RRAGD: variants seen among roughly 807,000 people sequenced by gnomAD.
RRAGD encodes Ras related GTP binding D, also known as ras-related GTP-binding protein D.
RRAGD carries 12 observed loss-of-function variants against 35.5 expected under a neutral mutation model. The ratio of observed to expected loss-of-function variants is 0.34; its 90% CI spans 0.22 to 0.55. The LOEUF (loss-of-function observed/expected upper bound fraction) is 0.55, where lower values mean the gene tolerates loss of function less well. RRAGD is among the 20% of genes least tolerant of loss of function. The probability of loss-of-function intolerance (pLI) is 0.91; values close to 1 mark genes in which losing one functional copy is unlikely to be tolerated. For missense variants in RRAGD, 324 were observed against 490.1 expected, an observed-to-expected ratio of 0.66 and a Z score of 3.20; for synonymous variants, 155 against 178.9, an observed-to-expected ratio of 0.87 and a Z score of 1.07.
At chr6:89,406,514 G>A (rs1280035424) in intron 1 of RRAGD, among the ~76,000 whole-genome samples, 2 of 152,012 alleles carry the variant, frequency 1.3e-5, no homozygotes, top group Non-Finnish European at 1.5e-5. Context: ...GCAGTTAGAC[G>A]TCGAGAGGAC....
At chr6:89,368,954 TTAGGATAAGGTG>T (rs1768811504) in intron 6 of RRAGD, among the ~76,000 whole-genome samples, 3 of 152,244 alleles carry the variant, frequency 2.0e-5, no homozygotes, top group Admixed American at 2.0e-4. Flanking sequence ...TTTACACCAA[TTAGGATAAGGTG>T]GTCAGTTCTA....
chr6:89,407,198 G>A (rs537886482), intron 1 of RRAGD, among the ~76,000 whole-genome samples: 2 of 152,308 alleles, frequency 1.3e-5, no homozygotes, highest in South Asian at 4.1e-4. Flanking sequence ...TAGCCCAGGA[G>A]TGAAGAAACT....
At chr6:89,385,705 G>A (rs1769127318) in intron 2 of RRAGD, among the ~76,000 whole-genome samples, 1 of 152,112 alleles carries the variant, frequency 6.6e-6, no homozygotes, top group Admixed American at 6.5e-5. Flanking sequence ...TCACAGATCA[G>A]GCATTGGATT....
In RRAGD at chr6:89,387,280, G is replaced by C; in HGVS notation, c.444+15C>G. The C allele has an allele frequency of 6.2e-7, 1 of 1,607,948 alleles. No homozygotes were observed. The highest frequency in any genetic ancestry group is 1.7e-5 in the Admixed American group (1 of 59,796). On this transcript the variant is annotated intron_variant, in intron 2 of 6. Coordinates refer to ENST00000369415, the MANE Select transcript of RRAGD (RefSeq NM_021244.5). ...ACCGGCCAGGCCATCATACCCCTGA[G>C]ACTCTGAGCTTTACCTGTGAGTCAA...
intron 1 of RRAGD, among the ~76,000 whole-genome samples, chr6:89,398,076 GGT>G (rs1769374514): frequency 6.6e-6 from 1 of 152,138 alleles, no homozygotes; most frequent in Non-Finnish European, 1.5e-5. Context: ...GAACCCAGGA[GGT>G]GGAAGTTAGT....
At position 89,380,353 on chromosome 6, in the gene RRAGD, T is replaced by C. The variant is rs1263667913; in HGVS notation, c.459A>G (p.Glu153=). The change falls in exon 3 of 7, where the codon GAA becomes GAG. Residue 153 remains glutamate, a synonymous_variant. Coordinates refer to ENST00000369415, the MANE Select transcript of RRAGD (RefSeq NM_021244.5). Reference sequence around the variant, plus strand: ...CCGTGAGGTGGAGCCTGGCCAGGGCTTCCATGTAATCATCCTAGGACCAAA... The same window carrying C: ...CCGTGAGGTGGAGCCTGGCCAGGGCCTCCATGTAATCATCCTAGGACCAAA... ...FVIDSQDDYM[E]ALARLHLTVT... is the part of the protein sequence containing the mutation. 6.2e-7 allele frequency: 1 copy of C among 1,614,116 alleles called. No individual in the cohort carries two copies. The highest frequency in any genetic ancestry group is 1.7e-5 in the Admixed American group (1 of 60,020).
At chr6:89,399,804 A>G (rs540910835) in intron 1 of RRAGD, among the ~76,000 whole-genome samples, 21 of 130,370 alleles carry the variant, frequency 1.6e-4, no homozygotes, top group Non-Finnish European at 3.0e-4. Flanking sequence ...AGGTCTCCCT[A>G]TGTTGCCCAG....
At position 89,412,018 on chromosome 6, in the gene RRAGD, G is replaced by T. The variant is rs746146093; in HGVS notation, c.-25C>A. 1,107 of 1,520,058 alleles carry T rather than the reference G, an allele frequency of 7.3e-4. No individual in the cohort carries two copies. The highest frequency in any genetic ancestry group is 9.3e-4 in the Non-Finnish European group (1,063 of 1,138,886). 94.2% of individuals were successfully genotyped at this position (1,520,058 alleles called of 1,614,324 possible). On this transcript the variant is annotated 5_prime_UTR_variant, in exon 1 of 7. Coordinates refer to ENST00000369415, the MANE Select transcript of RRAGD (RefSeq NM_021244.5). The surrounding 1 kb of genome is among the most constrained non-coding windows in gnomAD (Gnocchi z 4.2). The stretch of plus-strand genomic sequence containing the variant: ...TCGTGCCCACCGGCCGGCCGGCCCG[G>T]GGACGGCGGGGGTCCCGGGGTGGGG...
At chr6:89,396,261 T>A (rs1221577302) in intron 1 of RRAGD, among the ~76,000 whole-genome samples, 4 of 151,524 alleles carry the variant, frequency 2.6e-5, no homozygotes, top group Non-Finnish European at 5.9e-5. Flanking sequence ...TCAAAAAAAA[T>A]AATAAAGTAA....
At chr6:89,369,839 G>C (rs1432152225) in intron 6 of RRAGD, among the ~76,000 whole-genome samples, 2 of 152,188 alleles carry the variant, frequency 1.3e-5, no homozygotes, top group Non-Finnish European at 2.9e-5. Flanking sequence ...TCCATAAACA[G>C]TGTTTGCTAT....
At chr6:89,372,668 G>A in intron 5 of RRAGD, 83 bp from the exon 6 acceptor site, 1 of 1,368,800 alleles carries the variant, frequency 7.3e-7, no homozygotes, top group Non-Finnish European at 9.8e-7. Context: ...CCGGCTTTAA[G>A]CCACAAAAAG....
chr6:89,373,430 G>C (rs1323558669), intron 5 of RRAGD, among the ~76,000 whole-genome samples: 3 of 152,022 alleles, frequency 2.0e-5, no homozygotes, highest in Non-Finnish European at 4.4e-5. Context: ...TGGCCAATAT[G>C]GGTGAAACCC....
Position 89,364,625 on chromosome 6 carries a change from A to C in RRAGD, c.*3431T>G, listed in dbSNP as rs1241029806. 2 of 152,262 alleles carry C rather than the reference A, an allele frequency of 1.3e-5. No individual in the cohort carries two copies. The highest frequency in any genetic ancestry group is 2.4e-5 in the African/African-American group (1 of 41,474). 9.4% of individuals were successfully genotyped at this position (152,262 alleles called of 1,614,324 possible). A position where few individuals can be genotyped will look rare whatever the true frequency, so the allele number is the denominator to read the frequency against. ...GGAGATGTAAGAGAGTTTAAAAATA[A>C]AAGCATAAATTAAATTTAAGTAGTG... On this transcript the variant is annotated 3_prime_UTR_variant, in exon 7 of 7. Transcript: ENST00000369415.
chr6:89,387,986 T>C (rs1442946390), intron 1 of RRAGD, among the ~76,000 whole-genome samples: 1 of 152,130 alleles, frequency 6.6e-6, no homozygotes, highest in Admixed American at 6.5e-5. Flanking sequence ...AGGAGCCATA[T>C]TGTTCTCTGA....
intron 1 of RRAGD, among the ~76,000 whole-genome samples, chr6:89,409,615 C>T (rs1168545099): frequency 6.6e-6 from 1 of 152,214 alleles, no homozygotes; most frequent in African/African-American, 2.4e-5. Flanking sequence ...AACTCCCAAC[C>T]TCCTCCTCCC....
At chr6:89,398,110 G>A (rs927758384) in intron 1 of RRAGD, among the ~76,000 whole-genome samples, 14 of 151,412 alleles carry the variant, frequency 9.2e-5, no homozygotes, top group African/African-American at 2.4e-4. Context: ...GCGTCACTGC[G>A]CTCCAGCCTG....
intron 4 of RRAGD, 24 bp from the exon 5 acceptor site, chr6:89,377,837 C>A (rs1205629411): frequency 1.9e-6 from 3 of 1,578,174 alleles, no homozygotes; most frequent in Non-Finnish European, 2.6e-6. Flanking sequence ...AAAAAAGTTG[C>A]CTTAAAGCAA....
chr6:89,411,745 C>T lies in RRAGD; in HGVS notation c.148+101G>A. ...CTCAACTGGACCCGCTCCCCTGGAC[C>T]CCCTCCAAGTCGGTGGCTCGCGCAC... On this transcript the variant is annotated intron_variant, in intron 1 of 6. Transcript: ENST00000369415. The surrounding 1 kb of genome is among the most constrained non-coding windows in gnomAD (Gnocchi z 5.6). 7.6e-7 allele frequency: 1 copy of T among 1,308,648 alleles called. No homozygotes were observed. The highest frequency in any genetic ancestry group is 1.0e-6 in the Non-Finnish European group (1 of 968,114). 81.1% of individuals were successfully genotyped at this position (1,308,648 alleles called of 1,614,324 possible). A position where few individuals can be genotyped will look rare whatever the true frequency, so the allele number is the denominator to read the frequency against.
At chr6:89,383,532 A>C (rs1252579857) in intron 2 of RRAGD, among the ~76,000 whole-genome samples, 1 of 152,166 alleles carries the variant, frequency 6.6e-6, no homozygotes, top group Non-Finnish European at 1.5e-5. Flanking sequence ...AGATCTGGGG[A>C]TTATGGGCAG....
Sources: gnomAD v4.1 joint callset for allele counts (sites outside exome capture counted in the v4.1 genomes callset) on GRCh38, gnomAD v4.1.1 for gene constraint, Gnocchi (gnomAD v3.1) non-coding constraint, MANE v1.5 for transcripts, NCBI Gene and HGNC (gene_info 2026-07-23, HGNC 2026-07-21) for gene names.